PPARD: variants seen among roughly 807,000 people sequenced by gnomAD.
The protein encoded by PPARD is peroxisome proliferator activated receptor delta.
A neutral mutation model predicts 39.5 loss-of-function variants in PPARD; 6 were observed. The ratio of observed to expected loss-of-function variants is 0.15; its 90% CI spans 0.08 to 0.30. The LOEUF (loss-of-function observed/expected upper bound fraction) is 0.30, where lower values mean the gene tolerates loss of function less well. Ranked by LOEUF, PPARD falls within the 10% of genes least tolerant of loss-of-function variation. The pLI is 1.00. For synonymous variants in PPARD, 210 were observed against 231.3 expected, an observed-to-expected ratio of 0.91 and a Z score of 0.83; for missense variants, 397 against 596.8, an observed-to-expected ratio of 0.67 and a Z score of 3.49.
chr6:35,371,027 C>T (rs1204655145), intron 2 of PPARD, among the ~76,000 whole-genome samples: 1 of 152,202 alleles, frequency 6.6e-6, no homozygotes, highest in Non-Finnish European at 1.5e-5. Context: ...AAGATGCTGC[C>T]TCATGTAACT....
At chr6:35,355,598 CTTTTTTTTTTTTT>C (rs1166499750) in intron 2 of PPARD, among the ~76,000 whole-genome samples, 41 of 33,460 alleles carry the variant, frequency 1.2e-3, no homozygotes, top group East Asian at 1.9e-3. Context: ...TCTTCTTCTT[CTTTTTTTTTTTTT>C]TTTTTTTTTT....
intron 2 of PPARD, among the ~76,000 whole-genome samples, chr6:35,384,192 C>T (rs1431142615): frequency 1.4e-5 from 2 of 140,782 alleles, no homozygotes; most frequent in East Asian, 2.5e-4. Flanking sequence ...GCCCGGCCAG[C>T]GGCCCCGTCC....
chr6:35,396,611 A>G lies in PPARD; in HGVS notation c.-101-14376A>G, dbSNP rs909156874. ...TTTGGGAGGCCGAGGCGGGCAGATC[A>G]TGAGGTCAGGAGACAGAGACCATCC... On this transcript the variant is annotated intron_variant, in intron 2 of 7. Coordinates refer to ENST00000360694, the MANE Select transcript of PPARD (RefSeq NM_006238.5). Among the ~76,000 whole-genome samples the G allele has an allele frequency of 8.6e-5, 13 of 150,546 alleles. No homozygotes were observed. In the East Asian group the frequency reaches 2.6e-3, roughly 30 times the overall value.
intron 2 of PPARD, among the ~76,000 whole-genome samples, chr6:35,358,029 C>G (rs1181545838): frequency 6.6e-6 from 1 of 152,136 alleles, no homozygotes; most frequent in Non-Finnish European, 1.5e-5. Flanking sequence ...TTTATAACCC[C>G]TGTAACCTGT....
intron 1 of PPARD, among the ~76,000 whole-genome samples, chr6:35,343,510 C>T (rs981487536): frequency 6.6e-6 from 1 of 152,186 alleles, no homozygotes; most frequent in African/African-American, 2.4e-5. Flanking sequence ...TTTCACTTGA[C>T]CTGCAGTTGA....
chr6:35,395,938 A>G (rs1764283972), intron 2 of PPARD, among the ~76,000 whole-genome samples: 1 of 152,176 alleles, frequency 6.6e-6, no homozygotes, highest in Non-Finnish European at 1.5e-5. Flanking sequence ...AGCTTAGAAT[A>G]ATGCCTGGCA....
intron 2 of PPARD, among the ~76,000 whole-genome samples, chr6:35,374,317 G>GT (rs1762670248): frequency 6.8e-6 from 1 of 146,630 alleles, no homozygotes; most frequent in Non-Finnish European, 1.5e-5. Context: ...GTGGGGCGGG[G>GT]GGGTTTAGTG....
At chr6:35,423,299 C>A (rs978378818) in intron 5 of PPARD, among the ~76,000 whole-genome samples, 2 of 151,602 alleles carry the variant, frequency 1.3e-5, no homozygotes, top group Admixed American at 6.6e-5. Context: ...GAGGCCAAGG[C>A]GAGTGGATCA....
At chr6:35,420,365 G>C in intron 4 of PPARD, 84 bp downstream of exon 4, 2 of 1,482,026 alleles carry the variant, frequency 1.3e-6, no homozygotes, top group Non-Finnish European at 9.0e-7. Context: ...TCCTTGCCTT[G>C]GGGTGGGGCC....
At chr6:35,421,061 A>T (rs190606082) in intron 4 of PPARD, among the ~76,000 whole-genome samples, 2 of 152,186 alleles carry the variant, frequency 1.3e-5, no homozygotes, top group African/African-American at 4.8e-5. Context: ...TCCTGACCTC[A>T]GGTGATCCAC....
chr6:35,381,275 G>A (rs768417753), intron 2 of PPARD, among the ~76,000 whole-genome samples: 3 of 152,134 alleles, frequency 2.0e-5, no homozygotes, highest in African/African-American at 4.8e-5. Flanking sequence ...TTATCGTTAC[G>A]TTACAAAGAC....
intron 2 of PPARD, among the ~76,000 whole-genome samples, chr6:35,384,309 C>G (rs1411751750): frequency 5.5e-4 from 56 of 102,606 alleles, no homozygotes; most frequent in East Asian, 1.0e-3. Context: ...GGAGGGAGGT[C>G]GGGGCGTCAG....
chr6:35,388,703 C>T (rs558661179), intron 2 of PPARD, among the ~76,000 whole-genome samples: 6 of 151,954 alleles, frequency 3.9e-5, no homozygotes, highest in Non-Finnish European at 7.4e-5. Flanking sequence ...CAGAGTGAGA[C>T]TCTGTCTCAA....
chr6:35,392,305 T>A (rs1764057492), intron 2 of PPARD, among the ~76,000 whole-genome samples: 1 of 152,184 alleles, frequency 6.6e-6, no homozygotes. Context: ...CTCCCCTGCA[T>A]GTGGCAGGCT....
intron 2 of PPARD, among the ~76,000 whole-genome samples, chr6:35,376,098 A>G (rs1762800721): frequency 6.6e-6 from 1 of 152,224 alleles, no homozygotes; most frequent in Non-Finnish European, 1.5e-5. Flanking sequence ...ACTCATTTAT[A>G]AAAGAAAAAA....
At chr6:35,353,146 A>T (rs1761363223) in intron 2 of PPARD, among the ~76,000 whole-genome samples, 1 of 152,190 alleles carries the variant, frequency 6.6e-6, no homozygotes, top group African/African-American at 2.4e-5. Context: ...TAATAGGTTG[A>T]TGGAGGACAT....
chr6:35,375,242 G>T (rs1298370632), intron 2 of PPARD, among the ~76,000 whole-genome samples: 1 of 115,052 alleles, frequency 8.7e-6, no homozygotes, highest in African/African-American at 3.5e-5. Context: ...TTTGGAGATG[G>T]AGTCTTGCTC....
chr6:35,355,219 C>T (rs1761502593), intron 2 of PPARD, among the ~76,000 whole-genome samples: 2 of 152,030 alleles, frequency 1.3e-5, no homozygotes, highest in South Asian at 4.1e-4. Context: ...TCCAGCCAGG[C>T]ACAGTGAATC....
Position 35,425,702 on chromosome 6 carries a change from G to T in PPARD, c.1079-130G>T. On this transcript the variant is annotated intron_variant, in intron 7 of 7. Coordinates refer to ENST00000360694, the MANE Select transcript of PPARD (RefSeq NM_006238.5). This position sits in a 1 kb window ranked among gnomAD's most constrained non-coding sequence, Gnocchi z 4.5. Reference sequence around the variant, plus strand: ...TTAGAACACCCAGTGGAGCATTGCTGATGGGACAGGGCTTGGTCTGTCACG... The same window carrying T: ...TTAGAACACCCAGTGGAGCATTGCTTATGGGACAGGGCTTGGTCTGTCACG... 1.5e-6 allele frequency: 2 copies of T among 1,351,554 alleles called. No homozygotes were observed. Among genetic ancestry groups the T allele is most frequent in the Non-Finnish European group, 2.0e-6 (2 of 989,998 alleles). 83.7% of individuals were successfully genotyped at this position (1,351,554 alleles called of 1,614,324 possible).
Sources: allele counts gnomAD v4.1 joint callset (sites outside exome capture counted in the v4.1 genomes callset), GRCh38; gene constraint gnomAD v4.1.1; non-coding constraint Gnocchi (gnomAD v3.1); transcripts MANE v1.5; gene names NCBI Gene and HGNC (gene_info 2026-07-23, HGNC 2026-07-21).